Variants in TSPAN18 observed in about 807,000 individuals in gnomAD.
TSPAN18 encodes tetraspanin-18.
A neutral mutation model predicts 27.3 loss-of-function variants in TSPAN18; 14 were observed. The ratio of observed to expected loss-of-function variants is 0.51; its 90% CI spans 0.34 to 0.80. TSPAN18 has a LOEUF of 0.80. Ranked by LOEUF, TSPAN18 falls within the 30% of genes least tolerant of loss-of-function variation. TSPAN18 has a pLI of 0.01. For missense variants in TSPAN18, 268 were observed against 323.9 expected, an observed-to-expected ratio of 0.83 and a Z score of 1.32; for synonymous variants, 143 against 136.5, an observed-to-expected ratio of 1.05 and a Z score of -0.33.
intron 2 of TSPAN18, among the ~76,000 whole-genome samples, chr11:44,778,990 C>G (rs1360101152): frequency 6.6e-6 from 1 of 152,046 alleles, no homozygotes; most frequent in African/African-American, 2.4e-5. Flanking sequence ...CCATTAGGCT[C>G]GGTCTATGCA....
intron 1 of TSPAN18, among the ~76,000 whole-genome samples, chr11:44,757,274 AT>A (rs200740217): frequency 0.028 from 4,154 of 150,834 alleles, 158 homozygotes; most frequent in East Asian, 0.081. Flanking sequence ...TTTATTTTTT[AT>A]TTTTTTTTAT....
At chr11:44,927,964 G>A (rs1012845547) in intron 9 of TSPAN18, among the ~76,000 whole-genome samples, 3 of 152,278 alleles carry the variant, frequency 2.0e-5, no homozygotes, top group African/African-American at 4.8e-5. Context: ...CCCAGCCCAT[G>A]AGCCTGGCTG....
chr11:44,811,417 C>A (rs1189238180), intron 2 of TSPAN18, among the ~76,000 whole-genome samples: 1 of 151,898 alleles, frequency 6.6e-6, no homozygotes, highest in Non-Finnish European at 1.5e-5. Flanking sequence ...CACAATTAAT[C>A]TCCTAGTGAT....
At chr11:44,861,155 C>G (rs1485501995) in intron 3 of TSPAN18, among the ~76,000 whole-genome samples, 1 of 152,090 alleles carries the variant, frequency 6.6e-6, no homozygotes, top group Non-Finnish European at 1.5e-5. Context: ...TCGGTAGCCA[C>G]TCTCCATGTG....
chr11:44,769,754 T>C (rs145708901), intron 2 of TSPAN18, among the ~76,000 whole-genome samples: 244 of 152,356 alleles, frequency 1.6e-3, no homozygotes, highest in African/African-American at 5.4e-3. Flanking sequence ...ATGGGAACTG[T>C]AGTGATATCC....
At chr11:44,729,141 A>C (rs1223201788) in intron 1 of TSPAN18, among the ~76,000 whole-genome samples, 15 of 152,240 alleles carry the variant, frequency 9.9e-5, no homozygotes. Flanking sequence ...AAGACAGATC[A>C]GCATGATTTT....
intron 3 of TSPAN18, among the ~76,000 whole-genome samples, chr11:44,889,282 T>C (rs758291679): frequency 8.5e-5 from 13 of 152,194 alleles, no homozygotes; most frequent in Non-Finnish European, 1.9e-4. Context: ...TGTAAACCCC[T>C]CTCCTTGAAG....
chr11:44,812,767 A>G (rs1199057251), intron 2 of TSPAN18, among the ~76,000 whole-genome samples: 1 of 152,166 alleles, frequency 6.6e-6, no homozygotes, highest in Non-Finnish European at 1.5e-5. Context: ...TAAAGCGGGT[A>G]TCTGAGGGAG....
At chr11:44,868,033 C>A (rs1858086705) in intron 3 of TSPAN18, among the ~76,000 whole-genome samples, 1 of 152,182 alleles carries the variant, frequency 6.6e-6, no homozygotes, top group African/African-American at 2.4e-5. Flanking sequence ...CAGTTGCAGT[C>A]ATTGCAAGGC....
chr11:44,791,471 A>T (rs1451693545), intron 2 of TSPAN18, among the ~76,000 whole-genome samples: 1 of 152,268 alleles, frequency 6.6e-6, no homozygotes, highest in East Asian at 1.9e-4. Context: ...TGAAGGCTAG[A>T]AGCCTTGGCA....
intron 2 of TSPAN18, among the ~76,000 whole-genome samples, chr11:44,842,038 G>A (rs1440329698): frequency 1.3e-5 from 2 of 152,212 alleles, no homozygotes; most frequent in South Asian, 2.1e-4. Flanking sequence ...GAGCCCCAGA[G>A]GTGGGAAACA....
At chr11:44,921,341 C>T (rs1367684395) in intron 8 of TSPAN18, among the ~76,000 whole-genome samples, 2 of 152,132 alleles carry the variant, frequency 1.3e-5, no homozygotes, top group Non-Finnish European at 2.9e-5. Context: ...CGCTGGACCT[C>T]AGATTCCATA....
At chr11:44,757,691 T>C (rs1855363725) in intron 1 of TSPAN18, among the ~76,000 whole-genome samples, 1 of 152,224 alleles carries the variant, frequency 6.6e-6, no homozygotes, top group Admixed American at 6.5e-5. Flanking sequence ...CCTGGCCTCA[T>C]TGCAGGTTTT....
intron 2 of TSPAN18, among the ~76,000 whole-genome samples, chr11:44,831,481 C>A (rs1433614746): frequency 6.6e-6 from 1 of 152,194 alleles, no homozygotes. Flanking sequence ...CCCAGGGGAA[C>A]CCAGAACTTG....
intron 2 of TSPAN18, among the ~76,000 whole-genome samples, chr11:44,845,266 TGATTTG>T (rs1248662701): frequency 6.6e-6 from 1 of 152,246 alleles, no homozygotes; most frequent in East Asian, 1.9e-4. Flanking sequence ...GGCTTATTCA[TGATTTG>T]CCCCTCTGAG....
At chr11:44,808,312 G>T (rs982536555) in intron 2 of TSPAN18, among the ~76,000 whole-genome samples, 2 of 152,190 alleles carry the variant, frequency 1.3e-5, no homozygotes, top group Admixed American at 1.3e-4. Context: ...GCATCTTGAG[G>T]GTGGGTGTTT....
chr11:44,893,398 C>T (rs1475626925), intron 3 of TSPAN18, among the ~76,000 whole-genome samples: 60 of 152,218 alleles, frequency 3.9e-4, no homozygotes, highest in Non-Finnish European at 4.4e-5. Context: ...CCCCGCTCAG[C>T]TGTGACCATG....
intron 1 of TSPAN18, among the ~76,000 whole-genome samples, chr11:44,734,852 A>G (rs1159646997): frequency 6.6e-6 from 1 of 152,138 alleles, no homozygotes; most frequent in Non-Finnish European, 1.5e-5. Context: ...GGCCAAGTGC[A>G]CTGGGCCACC....
chr11:44,861,361 T>G (rs1019569983), intron 3 of TSPAN18, among the ~76,000 whole-genome samples: 2 of 140,354 alleles, frequency 1.4e-5, no homozygotes, highest in Non-Finnish European at 3.1e-5. Flanking sequence ...CCAGACTGGG[T>G]CAGTTGGTCG....
Sources: gnomAD v4.1 joint callset for allele counts (sites outside exome capture counted in the v4.1 genomes callset) on GRCh38, gnomAD v4.1.1 for gene constraint, MANE v1.5 for transcripts, NCBI Gene and HGNC (gene_info 2026-07-23, HGNC 2026-07-21) for gene names.